Variants in ARHGAP11A observed in about 807,000 individuals in gnomAD.
ARHGAP11A encodes Rho GTPase activating protein 11A.
ARHGAP11A carries 36 observed loss-of-function variants against 60.5 expected under a neutral mutation model. The ratio of observed to expected loss-of-function variants is 0.59; its 90% CI spans 0.46 to 0.79. The LOEUF is 0.79. Among genes scored for constraint, ARHGAP11A ranks in the 30% least tolerant of loss-of-function variants. ARHGAP11A has a pLI of 0.00. For synonymous variants in ARHGAP11A, 362 were observed against 415.5 expected (o/e 0.87, Z 1.57); for missense variants, 1,071 against 1,199.2 (o/e 0.89, Z 1.58).
intron 1 of ARHGAP11A, among the ~76,000 whole-genome samples, chr15:32,616,929 G>T (rs1340773705): frequency 6.6e-6 from 1 of 152,194 alleles, no homozygotes; most frequent in Admixed American, 6.5e-5. Context: ...CAGATTTGCT[G>T]CTTGGCCATG....
At chr15:32,619,549 G>C (rs963270467) in intron 1 of ARHGAP11A, among the ~76,000 whole-genome samples, 1 of 151,522 alleles carries the variant, frequency 6.6e-6, no homozygotes, top group African/African-American at 2.4e-5. Context: ...TGCAGGGCAT[G>C]GTTTGAAAAG....
At chr15:32,621,773 A>T (rs902482518) in intron 2 of ARHGAP11A, among the ~76,000 whole-genome samples, 1 of 152,182 alleles carries the variant, frequency 6.6e-6, no homozygotes, top group Non-Finnish European at 1.5e-5. Context: ...AGTGAGCCAA[A>T]ATTGTACCAC....
At chr15:32,635,751 A>G in intron 10 of ARHGAP11A, 26 bp from the exon 11 acceptor site, 3 of 1,474,730 alleles carry the variant, frequency 2.0e-6, no homozygotes, top group Non-Finnish European at 2.7e-6. Context: ...TTATTTCTTA[A>G]CTAAAACTTT....
At chr15:32,626,552 C>T (rs1257869979) in intron 6 of ARHGAP11A, among the ~76,000 whole-genome samples, 1 of 152,112 alleles carries the variant, frequency 6.6e-6, no homozygotes, top group Non-Finnish European at 1.5e-5. Flanking sequence ...TGTGTTTCTT[C>T]TTTACCTCCT....
chr15:32,636,200 A>G (rs1195664026), intron 11 of ARHGAP11A, 57 bp from the exon 12 acceptor site: 1 of 1,501,218 alleles, frequency 6.7e-7, no homozygotes, highest in African/African-American at 1.4e-5. Context: ...GTGCTTGGGT[A>G]TTATTTCAAA....
chr15:32,637,019 C>T lies in ARHGAP11A; in HGVS notation c.2246C>T (p.Pro749Leu), dbSNP rs768693478. ...GAGAATATGATGGAAGGTAACTTACCGAAGTGTGCAGCACATAGCAAGGAC... is the reference window on the plus strand; with the variant it reads ...GAGAATATGATGGAAGGTAACTTACTGAAGTGTGCAGCACATAGCAAGGAC... Reference protein sequence around the residue: ...ENENMMEGNLPKCAAHSKDEA... With the variant: ...ENENMMEGNLLKCAAHSKDEA... Residue 749 changes from proline (P) to leucine (L), a missense_variant, in exon 12 of 12, where the codon CCG becomes CTG. Transcript: ENST00000361627. 1.1e-5 allele frequency: 18 copies of T among 1,612,744 alleles called. No individual in the cohort carries two copies. The highest frequency in any genetic ancestry group is 7.7e-5 in the South Asian group (7 of 90,592).
chr15:32,622,440 G>A (rs766138068), intron 2 of ARHGAP11A, among the ~76,000 whole-genome samples: 1 of 151,940 alleles, frequency 6.6e-6, no homozygotes, highest in Admixed American at 6.6e-5. Flanking sequence ...AAAAAAAAAA[G>A]CAGATTTTCG....
rs1250044284 is a variant in ARHGAP11A at position 32,639,813 on chromosome 15, T to C, written c.*1968T>C. 5 of 152,336 alleles carry C rather than the reference T, an allele frequency of 3.3e-5. No homozygotes were observed. The East Asian group carries it at 5.8e-4, about 18-fold the overall frequency. 9.4% of individuals were successfully genotyped at this position (152,336 alleles called of 1,614,324 possible). A position where few individuals can be genotyped will look rare whatever the true frequency, so the allele number is the denominator to read the frequency against. On this transcript the variant is annotated 3_prime_UTR_variant, in exon 12 of 12. Transcript: ENST00000361627. ...TTTAATGCGTTTTTATTTTTTCTTA[T>C]ACAAAATAGAGATAATGTTGCTAAC... is the stretch of plus-strand genomic sequence containing the variant.
At position 32,616,285 on chromosome 15, in the gene ARHGAP11A, G is replaced by T; in HGVS notation, c.74G>T (p.Gly25Val). The change falls in exon 1 of 12, where the codon GGT becomes GTT. Residue 25 changes from glycine (G) to valine (V), a missense_variant. Around this residue, in one of 4 missense-constraint regions of ARHGAP11A, gnomAD observed 71 missense variants for 142.4 expected, o/e 0.50. Coordinates refer to ENST00000361627, the MANE Select transcript of ARHGAP11A (RefSeq NM_014783.6). ...GCCTTCTATGGTATTAAGGTGAAGGGTGTCCGTGGGCAGTGCGATCGCAGG... is the reference window on the plus strand; with the variant it reads ...GCCTTCTATGGTATTAAGGTGAAGGTTGTCCGTGGGCAGTGCGATCGCAGG... The part of the protein sequence containing the change: ...LRAFYGIKVK[G>V]VRGQCDRRRH... The T allele has an allele frequency of 6.2e-7, 1 of 1,614,098 alleles. No homozygotes were observed. Among genetic ancestry groups the T allele is most frequent in the Non-Finnish European group, 8.5e-7 (1 of 1,180,026 alleles).
Position 32,636,634 on chromosome 15 carries a change from G to A in ARHGAP11A, c.1861G>A (p.Val621Ile). 1 of 1,613,978 alleles carries A rather than the reference G, an allele frequency of 6.2e-7. No homozygotes were observed. The highest frequency in any genetic ancestry group is 8.5e-7 in the Non-Finnish European group (1 of 1,179,956). The change falls in exon 12 of 12, where the codon GTA becomes ATA. Residue 621 changes from valine to isoleucine, a missense_variant. Val to Ile is a conservative substitution (Grantham distance 29). Coordinates refer to ENST00000361627, the MANE Select transcript of ARHGAP11A (RefSeq NM_014783.6). ...HALMNQRQSS[V>I]TNVGKVKLTE... Reference sequence around the variant, plus strand: ...ATTGATGAATCAGAGGCAGTCATCAGTAACTAATGTGGGGAAAGTAAAATT... The same window carrying A: ...ATTGATGAATCAGAGGCAGTCATCAATAACTAATGTGGGGAAAGTAAAATT...
chr15:32,618,718 G>T (rs187196087), intron 1 of ARHGAP11A, among the ~76,000 whole-genome samples: 2 of 151,152 alleles, frequency 1.3e-5, no homozygotes, highest in Admixed American at 6.6e-5. Context: ...GGTGGATAAC[G>T]AGGTCAGGAG....
At chr15:32,617,224 AAAG>A (rs1254252423) in intron 1 of ARHGAP11A, among the ~76,000 whole-genome samples, 1 of 152,162 alleles carries the variant, frequency 6.6e-6, no homozygotes, top group Non-Finnish European at 1.5e-5. Context: ...TTTCTTAAAA[AAAG>A]TGCTTGGAGA....
At position 32,638,767 on chromosome 15, in the gene ARHGAP11A, G is replaced by A. The variant is rs2053783121; in HGVS notation, c.*922G>A. ...CATATATTATGATGTGGAAATAATTGATAACTTTTAAGCCATACTATGTTT... is the reference window on the plus strand; with the variant it reads ...CATATATTATGATGTGGAAATAATTAATAACTTTTAAGCCATACTATGTTT... On this transcript the variant is annotated 3_prime_UTR_variant, in exon 12 of 12. Coordinates refer to ENST00000361627, the MANE Select transcript of ARHGAP11A (RefSeq NM_014783.6). The A allele has an allele frequency of 1.3e-5, 2 of 152,510 alleles. No homozygotes were observed. The highest frequency in any genetic ancestry group is 4.8e-5 in the African/African-American group (2 of 41,408). The allele number at this position is 152,510 out of a possible 1,614,324, so 9.4% of individuals were successfully genotyped here. A position where few individuals can be genotyped will look rare whatever the true frequency, so the allele number is the denominator to read the frequency against.
At position 32,639,400 on chromosome 15, in the gene ARHGAP11A, T is replaced by C. The variant is rs1404821440; in HGVS notation, c.*1555T>C. Reference sequence around the variant, plus strand: ...TAGGTTCTACTTTGTTTATTTGATATCAAATAGGTTTGTAGATGTTTATGG... The same window carrying C: ...TAGGTTCTACTTTGTTTATTTGATACCAAATAGGTTTGTAGATGTTTATGG... On this transcript the variant is annotated 3_prime_UTR_variant, in exon 12 of 12. Coordinates refer to ENST00000361627, the MANE Select transcript of ARHGAP11A (RefSeq NM_014783.6). 1.3e-5 allele frequency: 2 copies of C among 152,254 alleles called. No homozygotes were observed. Among genetic ancestry groups the C allele is most frequent in the African/African-American group, 4.8e-5 (2 of 41,468 alleles). The allele number at this position is 152,254 out of a possible 1,614,324, so 9.4% of individuals were successfully genotyped here.
rs765361891 is a variant in ARHGAP11A at position 32,637,486 on chromosome 15, T to C, written c.2713T>C (p.Ser905Pro). The change falls in exon 12 of 12, where the codon TCC becomes CCC. Residue 905 changes from serine to proline, a missense_variant. Coordinates refer to ENST00000361627, the MANE Select transcript of ARHGAP11A (RefSeq NM_014783.6). Reference sequence around the variant, plus strand: ...CAAATCAGGTCCTAAAGAACAGAAGTCCATGTCATGTGAAGAGTCAAATAT... The same window carrying C: ...CAAATCAGGTCCTAAAGAACAGAAGCCCATGTCATGTGAAGAGTCAAATAT... Reference protein sequence around the residue: ...CIKSGPKEQKSMSCEESNIGA... With the variant: ...CIKSGPKEQKPMSCEESNIGA... 16 of 1,614,006 alleles carry C rather than the reference T, an allele frequency of 9.9e-6. No homozygotes were observed. The highest frequency in any genetic ancestry group is 5.0e-5 in the Admixed American group (3 of 60,026).
In ARHGAP11A at chr15:32,639,669, CAT is replaced by C. The variant is rs1369148467; in HGVS notation, c.*1825_*1826del. ...AACATGTCTGTTTTAAAAACTACCACATGTGACTCCTATTTTTGTTAGCTGAA... is the reference window on the plus strand; with the variant it reads ...AACATGTCTGTTTTAAAAACTACCACGTGACTCCTATTTTTGTTAGCTGAA... On this transcript the variant is annotated 3_prime_UTR_variant, in exon 12 of 12. Transcript: ENST00000361627. 7 of 152,172 alleles carry C rather than the reference CAT, an allele frequency of 4.6e-5. No homozygotes were observed. Among genetic ancestry groups the C allele is most frequent in the African/African-American group, 1.2e-4 (5 of 41,434 alleles). 9.4% of individuals were successfully genotyped at this position (152,172 alleles called of 1,614,324 possible). A position where few individuals can be genotyped will look rare whatever the true frequency, so the allele number is the denominator to read the frequency against.
At chr15:32,616,919 C>T (rs2053166427) in intron 1 of ARHGAP11A, among the ~76,000 whole-genome samples, 1 of 152,134 alleles carries the variant, frequency 6.6e-6, no homozygotes, top group Non-Finnish European at 1.5e-5. Context: ...ATTTGGGAAA[C>T]AGATTTGCTG....
rs1167027685 is a variant in ARHGAP11A, at chr15:32,615,513, G to C, written c.-699G>C. ...CTGAAACTGCGGGTGTGACCCCCCCGTGGTGGCTCTGGGTGTCTGCGGAGG... is the reference window on the plus strand; with the variant it reads ...CTGAAACTGCGGGTGTGACCCCCCCCTGGTGGCTCTGGGTGTCTGCGGAGG... On this transcript the variant is annotated 5_prime_UTR_variant, in exon 1 of 12. Coordinates refer to ENST00000361627, the MANE Select transcript of ARHGAP11A (RefSeq NM_014783.6). 6.6e-6 allele frequency: 1 copy of C among 152,600 alleles called. No homozygotes were observed. The highest frequency in any genetic ancestry group is 1.5e-5 in the Non-Finnish European group (1 of 68,264). The allele number at this position is 152,600 out of a possible 1,614,324, so 9.5% of individuals were successfully genotyped here.
chr15:32,628,528 T>C (rs753527568), intron 6 of ARHGAP11A, among the ~76,000 whole-genome samples, 200 bp from the exon 7 acceptor site: 1 of 152,204 alleles, frequency 6.6e-6, no homozygotes, highest in African/African-American at 2.4e-5. Flanking sequence ...ATTTTAGGGA[T>C]ATGGAAGTAT....
Sources: allele counts gnomAD v4.1 joint callset (sites outside exome capture counted in the v4.1 genomes callset), GRCh38; gene constraint gnomAD v4.1.1; regional missense constraint gnomAD v4.1.1; transcripts MANE v1.5; gene names NCBI Gene and HGNC (gene_info 2026-07-23, HGNC 2026-07-21).